Variants in SF3A1 observed in about 807,000 individuals in gnomAD.
The protein encoded by SF3A1 is SAP 114.
SF3A1 carries 13 observed loss-of-function variants against 89.9 expected under a neutral mutation model. That is an observed-to-expected ratio of 0.14 (90% CI 0.09 to 0.23). SF3A1 has a LOEUF of 0.23. SF3A1 is among the 10% of genes least tolerant of loss of function. The probability of loss-of-function intolerance (pLI) is 1.00; values close to 1 mark genes in which losing one functional copy is unlikely to be tolerated. For synonymous variants in SF3A1, 405 were observed against 374.4 expected, an observed-to-expected ratio of 1.08 and a Z score of -0.94; for missense variants, 604 against 1,022.1, an observed-to-expected ratio of 0.59 and a Z score of 5.58.
At position 30,334,259 on chromosome 22, in the gene SF3A1, T is replaced by A. The variant is rs1190479173; in HGVS notation, c.*335A>T. The A allele has an allele frequency of 1.0e-5, 2 of 194,722 alleles. No individual in the cohort carries two copies. The highest frequency in any genetic ancestry group is 1.3e-4 in the Admixed American group (2 of 15,992). The allele number at this position is 194,722 out of a possible 1,614,324, so 12.1% of individuals were successfully genotyped here. On this transcript the variant is annotated 3_prime_UTR_variant, in exon 16 of 16. Coordinates refer to ENST00000215793, the MANE Select transcript of SF3A1 (RefSeq NM_005877.6). ...TAATGACAATATCAGCCATATTCTA[T>A]TAGCCAAGTGCCACCTGTCACTATG...
intron 2 of SF3A1, chr22:30,352,718 A>C (rs1931639854): frequency 2.5e-6 from 1 of 404,916 alleles, no homozygotes; most frequent in Non-Finnish European, 4.5e-6. Flanking sequence ...CCAGTTTTAG[A>C]AGCAGAGGCT....
chr22:30,337,146 T>C lies in SF3A1; in HGVS notation c.1986A>G (p.Pro662=). 1 of 1,613,450 alleles carries C rather than the reference T, an allele frequency of 6.2e-7. No homozygotes were observed. Among genetic ancestry groups the C allele is most frequent in the African/African-American group, 1.3e-5 (1 of 75,008 alleles). ...GCACAGGGGGCATTGGGGCTGGAGC[T>C]GGGACAGGTGCCACAGGTGGAGCAG... The part of the protein sequence containing the change: ...FVPAPPVAPV[P]APAPMPPVHP... Residue 662 remains proline, a synonymous_variant, in exon 13 of 16, where the codon CCA becomes CCG. Transcript: ENST00000215793.
intron 2 of SF3A1, among the ~76,000 whole-genome samples, chr22:30,351,887 A>AG (rs1282691158): frequency 6.6e-6 from 1 of 152,260 alleles, no homozygotes; most frequent in Non-Finnish European, 1.5e-5. Context: ...ACATGGACTG[A>AG]GGGCTGCCAA....
intron 1 of SF3A1, among the ~76,000 whole-genome samples, chr22:30,355,361 A>C (rs1482380970): frequency 6.6e-6 from 1 of 152,154 alleles, no homozygotes; most frequent in Middle Eastern, 3.2e-3. Flanking sequence ...AGAGATGGAG[A>C]GCTTAATGTC....
In SF3A1 at chr22:30,333,594, T is replaced by C. The variant is rs1342378680; in HGVS notation, c.*1000A>G. The C allele has an allele frequency of 6.6e-6, 1 of 152,232 alleles. No homozygotes were observed. Among genetic ancestry groups the C allele is most frequent in the Non-Finnish European group, 1.5e-5 (1 of 68,042 alleles). The allele number at this position is 152,232 out of a possible 1,614,324, so 9.4% of individuals were successfully genotyped here. A position where few individuals can be genotyped will look rare whatever the true frequency, so the allele number is the denominator to read the frequency against. On this transcript the variant is annotated 3_prime_UTR_variant, in exon 16 of 16. Transcript: ENST00000215793. ...TTTTGCACACATTCTCTTTTCACTT[T>C]CACAGTGTGTGACTATGGCATGCAA...
At chr22:30,339,332 G>A in intron 9 of SF3A1, 81 bp from the exon 10 acceptor site, 1 of 1,558,874 alleles carries the variant, frequency 6.4e-7, no homozygotes, top group Non-Finnish European at 8.7e-7. Context: ...CTTTTCTGGT[G>A]TGCAGGGAGG....
At chr22:30,346,118 A>C in intron 3 of SF3A1, 194 bp downstream of exon 3, 2 of 588,728 alleles carry the variant, frequency 3.4e-6, no homozygotes, top group South Asian at 4.1e-5. Flanking sequence ...GAGCTTGACA[A>C]GCAGTGCTCG....
intron 2 of SF3A1, among the ~76,000 whole-genome samples, chr22:30,350,906 A>G (rs1376942879): frequency 6.6e-6 from 1 of 152,254 alleles, no homozygotes; most frequent in African/African-American, 2.4e-5. Flanking sequence ...CATCATCACA[A>G]TGTTCAATCA....
chr22:30,354,306 G>A (rs1030633833), intron 1 of SF3A1, among the ~76,000 whole-genome samples: 5 of 151,972 alleles, frequency 3.3e-5, no homozygotes, highest in African/African-American at 1.2e-4. Context: ...CCTCCCATCT[G>A]GTCCCCATTC....
chr22:30,353,432 G>A (rs1931660814), intron 1 of SF3A1, among the ~76,000 whole-genome samples: 1 of 152,192 alleles, frequency 6.6e-6, no homozygotes, highest in Non-Finnish European at 1.5e-5. Context: ...AAGGGAGAAA[G>A]CAAAAAGTTG....
At chr22:30,346,149 G>C in intron 3 of SF3A1, 163 bp downstream of exon 3, 1 of 621,048 alleles carries the variant, frequency 1.6e-6, no homozygotes, top group East Asian at 2.7e-5. Flanking sequence ...ACTAACATCA[G>C]TACTTTGCTG....
Position 30,346,445 on chromosome 22 carries a change from T to G in SF3A1, c.260A>C (p.Asn87Thr). Residue 87 changes from asparagine (N) to threonine (T), a missense_variant, in exon 3 of 16, where the codon AAT becomes ACT. By Grantham distance (65) the Asn-to-Thr change is moderately conservative. This residue lies in a region of SF3A1 where 162 missense variants were observed against 229.2 expected (regional missense o/e 0.71). Transcript: ENST00000215793. ...GCGGTAGTAGGCATGGTAAGGGTCA[T>G]TGGGGTTCAGAAAGTTGAACTTGGG... ...NNPKFNFLNP[N>T]DPYHAYYRHK... is the part of the protein sequence containing the mutation. 6.2e-7 allele frequency: 1 copy of G among 1,614,110 alleles called. No individual in the cohort carries two copies. The highest frequency in any genetic ancestry group is 8.5e-7 in the Non-Finnish European group (1 of 1,180,028).
At position 30,332,567 on chromosome 22, in the gene SF3A1, T is replaced by A. The variant is rs1433954726; in HGVS notation, c.*2027A>T. On this transcript the variant is annotated 3_prime_UTR_variant, in exon 16 of 16. Transcript: ENST00000215793. Reference sequence around the variant, plus strand: ...AATCCTCAGGAGATTGCAAGAAGAATCAGAAAAGCTGTGCAGAGCAGCTTT... The same window carrying A: ...AATCCTCAGGAGATTGCAAGAAGAAACAGAAAAGCTGTGCAGAGCAGCTTT... The A allele has an allele frequency of 6.6e-6, 1 of 152,204 alleles. No individual in the cohort carries two copies. Among genetic ancestry groups the A allele is most frequent in the Admixed American group, 6.5e-5 (1 of 15,278 alleles). The allele number at this position is 152,204 out of a possible 1,614,324, so 9.4% of individuals were successfully genotyped here.
At chr22:30,348,159 A>G (rs1954518279) in intron 2 of SF3A1, among the ~76,000 whole-genome samples, 1 of 152,240 alleles carries the variant, frequency 6.6e-6, no homozygotes. Flanking sequence ...CAAATCGTAC[A>G]GTGGCCTGCA....
At chr22:30,336,428 G>A (rs552608450) in intron 13 of SF3A1, among the ~76,000 whole-genome samples, 5 of 152,306 alleles carry the variant, frequency 3.3e-5, no homozygotes, top group South Asian at 4.1e-4. Flanking sequence ...CGGAGGTTGA[G>A]GCATAACAAT....
Position 30,341,681 on chromosome 22 carries a change from C to G in SF3A1, c.1071+11G>C. ...GAAAAGGTCATCCTGCAGGCCTGCC[C>G]AGCAGCTTACCTCATCCATATCTTG... is the stretch of plus-strand genomic sequence containing the variant. On this transcript the variant is annotated intron_variant, in intron 7 of 15. Coordinates refer to ENST00000215793, the MANE Select transcript of SF3A1 (RefSeq NM_005877.6). The G allele has an allele frequency of 6.2e-7, 1 of 1,611,192 alleles. No individual in the cohort carries two copies. The highest frequency in any genetic ancestry group is 8.5e-7 in the Non-Finnish European group (1 of 1,178,024).
Position 30,345,091 on chromosome 22 carries a change from C to A in SF3A1, c.493G>T (p.Asp165Tyr), listed in dbSNP as rs1931378502. 1 of 1,614,236 alleles carries A rather than the reference C, an allele frequency of 6.2e-7. No homozygotes were observed. The highest frequency in any genetic ancestry group is 1.3e-5 in the African/African-American group (1 of 75,056). ...AACTGAGCCGTCAGCTTCACCACATCCAAGTCGAAGGCTGAGATAGAGGGA... is the reference window on the plus strand; with the variant it reads ...AACTGAGCCGTCAGCTTCACCACATACAAGTCGAAGGCTGAGATAGAGGGA... Reference protein sequence around the residue: ...DPPSISAFDLDVVKLTAQFVA... With the variant: ...DPPSISAFDLYVVKLTAQFVA... Residue 165 changes from aspartate to tyrosine, a missense_variant, in exon 4 of 16, where the codon GAT becomes TAT. By Grantham distance (160) the Asp-to-Tyr change is radical. Coordinates refer to ENST00000215793, the MANE Select transcript of SF3A1 (RefSeq NM_005877.6).
intron 13 of SF3A1, 111 bp downstream of exon 13, chr22:30,336,915 G>T: frequency 7.9e-7 from 1 of 1,270,236 alleles, no homozygotes; most frequent in Non-Finnish European, 1.1e-6. Flanking sequence ...GCTGACCTAG[G>T]CCCCAGAAGC....
At chr22:30,343,254 T>G (rs1569172399) in intron 4 of SF3A1, among the ~76,000 whole-genome samples, 1 of 152,182 alleles carries the variant, frequency 6.6e-6, no homozygotes, top group Non-Finnish European at 1.5e-5. Flanking sequence ...CTGACTATCC[T>G]ATTCAGAACC....
Sources: allele counts gnomAD v4.1 joint callset (sites outside exome capture counted in the v4.1 genomes callset), GRCh38; gene constraint gnomAD v4.1.1; regional missense constraint gnomAD v4.1.1; transcripts MANE v1.5; gene names NCBI Gene and HGNC (gene_info 2026-07-23, HGNC 2026-07-21).